The following MIPEP variants were observed in gnomAD, a reference collection of about 807,000 sequenced individuals.
MIPEP encodes mitochondrial intermediate peptidase.
In MIPEP, 79 loss-of-function variants were observed where a neutral mutation model predicts 90.3. That is an observed-to-expected ratio of 0.87 (90% CI 0.73 to 1.05). The LOEUF (loss-of-function observed/expected upper bound fraction) is 1.05. Among genes scored for constraint, MIPEP ranks in the 50% least tolerant of loss-of-function variants. MIPEP has a pLI of 0.00. For missense variants in MIPEP, 940 were observed against 905.6 expected (o/e 1.04, Z -0.49); for synonymous variants, 334 against 315.8 (o/e 1.06, Z -0.61).
intron 16 of MIPEP, among the ~76,000 whole-genome samples, chr13:23,762,061 G>A (rs1952551414): frequency 6.6e-6 from 1 of 152,032 alleles, no homozygotes; most frequent in Non-Finnish European, 1.5e-5. Flanking sequence ...GGAGGCGGAG[G>A]TTGTAGTGAG....
At chr13:23,832,525 G>A (rs146777586) in intron 14 of MIPEP, among the ~76,000 whole-genome samples, 313 of 152,196 alleles carry the variant, frequency 2.1e-3, no homozygotes, top group African/African-American at 7.3e-3. Context: ...GAAAGGTTTA[G>A]GAAGGACAAG....
At chr13:23,770,101 T>C (rs1368777774) in intron 16 of MIPEP, among the ~76,000 whole-genome samples, 1 of 152,224 alleles carries the variant, frequency 6.6e-6, no homozygotes, top group East Asian at 1.9e-4. Context: ...GTTTCAGGTA[T>C]TCTGTTATAA....
At chr13:23,789,027 T>C (rs555169464) in intron 16 of MIPEP, among the ~76,000 whole-genome samples, 1 of 152,294 alleles carries the variant, frequency 6.6e-6, no homozygotes, top group Admixed American at 6.5e-5. Flanking sequence ...AGGCTGGTCT[T>C]GAACTCCTGG....
intron 18 of MIPEP, among the ~76,000 whole-genome samples, chr13:23,734,066 T>C (rs1593122435): frequency 6.6e-6 from 1 of 152,238 alleles, no homozygotes; most frequent in South Asian, 2.1e-4. Flanking sequence ...AGACTGAATC[T>C]GATTATAAAT....
At chr13:23,868,981 T>C in intron 7 of MIPEP, among the ~76,000 whole-genome samples, 1 of 152,230 alleles carries the variant, frequency 6.6e-6, no homozygotes, top group East Asian at 1.9e-4. Context: ...ACACTAATTC[T>C]AACCAATTTG....
In MIPEP at chr13:23,837,540, C is replaced by G; in HGVS notation, c.1543+12G>C. 4 of 1,596,992 alleles carry G rather than the reference C, an allele frequency of 2.5e-6. No homozygotes were observed. The highest frequency in any genetic ancestry group is 2.6e-6 in the Non-Finnish European group (3 of 1,164,958). ...AGGACTGTAGTAAATAAAAGCCCTCCTCATGGCTCACCAGTGACGTGTTGG... is the reference window on the plus strand; with the variant it reads ...AGGACTGTAGTAAATAAAAGCCCTCGTCATGGCTCACCAGTGACGTGTTGG... On this transcript the variant is annotated intron_variant, in intron 13 of 18. Transcript: ENST00000382172.
chr13:23,744,797 T>A (rs1565979304), intron 18 of MIPEP, among the ~76,000 whole-genome samples: 1 of 152,214 alleles, frequency 6.6e-6, no homozygotes, highest in Non-Finnish European at 1.5e-5. Context: ...GTATTTGACA[T>A]GAAGGATTAC....
Position 23,887,211 on chromosome 13 carries a change from A to G in MIPEP, c.190-705T>C, listed in dbSNP as rs1428077486. Among the ~76,000 whole-genome samples, 2 of 152,224 alleles carry G rather than the reference A, an allele frequency of 1.3e-5. 1 individual carries two copies. The highest frequency in any genetic ancestry group is 4.8e-5 in the African/African-American group (2 of 41,456). Reference sequence around the variant, plus strand: ...GTTACAAAGACATTTCAATATCTTGATAAAAACAAAAATCACTGATCTAAT... The same window carrying G: ...GTTACAAAGACATTTCAATATCTTGGTAAAAACAAAAATCACTGATCTAAT... On this transcript the variant is annotated intron_variant, in intron 1 of 18. Transcript: ENST00000382172.
At chr13:23,832,111 G>C (rs145474864) in intron 14 of MIPEP, among the ~76,000 whole-genome samples, 146 of 152,242 alleles carry the variant, frequency 9.6e-4, no homozygotes, top group African/African-American at 3.3e-3. Context: ...TGGGTCATGA[G>C]GGCTCTGCCC....
At chr13:23,841,522 T>C (rs1000218052) in intron 10 of MIPEP, 34 bp from the exon 11 acceptor site, 5 of 1,555,482 alleles carry the variant, frequency 3.2e-6, no homozygotes, top group African/African-American at 2.8e-5. Context: ...ACAGCATCTT[T>C]GTTTATTTCA....
chr13:23,843,218 G>A (rs959434438), intron 10 of MIPEP, among the ~76,000 whole-genome samples: 2 of 152,002 alleles, frequency 1.3e-5, no homozygotes, highest in Admixed American at 1.3e-4. Flanking sequence ...AAAGTATGAT[G>A]GCATAAAATA....
intron 3 of MIPEP, among the ~76,000 whole-genome samples, chr13:23,881,216 T>C (rs568069127): frequency 1.3e-5 from 2 of 152,220 alleles, no homozygotes; most frequent in Admixed American, 6.5e-5. Flanking sequence ...GGACACTGTT[T>C]ATAGAGCATT....
intron 14 of MIPEP, among the ~76,000 whole-genome samples, chr13:23,811,067 T>C (rs1240068009): frequency 6.6e-6 from 1 of 152,222 alleles, no homozygotes; most frequent in Non-Finnish European, 1.5e-5. Context: ...GCTCATCTTG[T>C]ATGAAAGAAA....
chr13:23,760,255 C>G lies in MIPEP; in HGVS notation c.1849-38G>C, dbSNP rs777034997. 1.9e-5 allele frequency: 31 copies of G among 1,613,298 alleles called. No homozygotes were observed. In the Admixed American group the frequency reaches 4.7e-4, roughly 24 times the overall value. ...GAGAGACACAGCACGGGACACAAGT[C>G]AGTTTCCACTTGGAGAATATCACAT... On this transcript the variant is annotated intron_variant, in intron 16 of 18. Transcript: ENST00000382172.
chr13:23,874,954 G>A, intron 4 of MIPEP, 45 bp from the exon 5 acceptor site: 1 of 1,516,780 alleles, frequency 6.6e-7, no homozygotes. Flanking sequence ...AATAAAAATT[G>A]CTAACAAAAA....
chr13:23,745,547 A>G (rs1032722339), intron 18 of MIPEP, among the ~76,000 whole-genome samples: 1 of 152,146 alleles, frequency 6.6e-6, no homozygotes, highest in Non-Finnish European at 1.5e-5. Flanking sequence ...ACTCCTTCCA[A>G]ATGTAAATTC....
chr13:23,758,742 T>A (rs979993565), intron 17 of MIPEP, among the ~76,000 whole-genome samples: 1 of 152,170 alleles, frequency 6.6e-6, no homozygotes, highest in Non-Finnish European at 1.5e-5. Flanking sequence ...CTCAAATAAT[T>A]TGAAACAAAT....
At chr13:23,762,909 G>GAGC (rs1232937674) in intron 16 of MIPEP, among the ~76,000 whole-genome samples, 56 of 152,162 alleles carry the variant, frequency 3.7e-4, no homozygotes, top group Non-Finnish European at 7.3e-4. Context: ...TAGGTGGGAG[G>GAGC]AGCTGGACAC....
chr13:23,863,016 T>G (rs143339095), intron 8 of MIPEP, among the ~76,000 whole-genome samples: 196 of 152,280 alleles, frequency 1.3e-3, no homozygotes, highest in African/African-American at 4.5e-3. Context: ...ACCAGGATCA[T>G]TAAAAGAAAA....
Sources: allele counts gnomAD v4.1 joint callset (sites outside exome capture counted in the v4.1 genomes callset), GRCh38; gene constraint gnomAD v4.1.1; transcripts MANE v1.5; gene names NCBI Gene and HGNC (gene_info 2026-07-23, HGNC 2026-07-21).